The following UNC13C variants were observed in gnomAD, a reference collection of about 807,000 sequenced individuals.
UNC13C encodes the protein protein unc-13 homolog C.
A neutral mutation model predicts 245.4 loss-of-function variants in UNC13C; 174 were observed. That is an observed-to-expected ratio of 0.71 (90% CI 0.63 to 0.80). UNC13C has a LOEUF of 0.80. Ranked by LOEUF, UNC13C falls within the 30% of genes least tolerant of loss-of-function variation. The probability of loss-of-function intolerance (pLI) is 0.00; values close to 1 mark genes in which losing one functional copy is unlikely to be tolerated. For synonymous variants in UNC13C, 992 were observed against 895.1 expected (o/e 1.11, Z -1.93); for missense variants, 2,829 against 2,602.9 (o/e 1.09, Z -1.89).
chr15:54,597,783 T>C (rs1190292215), intron 30 of UNC13C, among the ~76,000 whole-genome samples: 2 of 152,172 alleles, frequency 1.3e-5, no homozygotes, highest in African/African-American at 4.8e-5. Context: ...AGCAATCACA[T>C]TATGTACAAT....
intron 2 of UNC13C, among the ~76,000 whole-genome samples, chr15:54,019,848 G>C (rs144973944): frequency 2.6e-5 from 4 of 152,086 alleles, no homozygotes; most frequent in African/African-American, 9.7e-5. Context: ...TGTAGTAGTT[G>C]TTCCTGGGAT....
chr15:54,297,732 T>G lies in UNC13C; in HGVS notation c.3989-79T>G, dbSNP rs543064122. 9.1e-5 allele frequency: 101 copies of G among 1,115,064 alleles called. 2 individuals are homozygous for G. In the South Asian group the frequency reaches 1.4e-3, roughly 15 times the overall value. 69.1% of individuals were successfully genotyped at this position (1,115,064 alleles called of 1,614,324 possible). On this transcript the variant is annotated intron_variant, in intron 11 of 32. Coordinates refer to ENST00000260323, the MANE Select transcript of UNC13C (RefSeq NM_001080534.3). ...CTTAAGCCGTTTTTTTGTTTTTTTG[T>G]TTTTTAGCTTTTGAGAGGTCGTATG...
At chr15:53,958,662 A>G in the UNC13C span, among the ~76,000 whole-genome samples, 1 of 152,140 alleles carries the variant, frequency 6.6e-6, no homozygotes, top group African/African-American at 2.4e-5. Context: ...TTGTTTTTTA[A>G]AAGTATTTTA....
intron 24 of UNC13C, among the ~76,000 whole-genome samples, chr15:54,516,105 G>A (rs1028234731): frequency 6.6e-6 from 1 of 152,164 alleles, no homozygotes; most frequent in Non-Finnish European, 1.5e-5. Context: ...GCCCAAAAGT[G>A]TGTGTATGTA....
intron 32 of UNC13C, among the ~76,000 whole-genome samples, chr15:54,626,034 C>T: frequency 6.6e-6 from 1 of 152,062 alleles, no homozygotes; most frequent in East Asian, 1.9e-4. Context: ...AAAAAAATCA[C>T]CTGTAAAAGG....
At chr15:53,923,021 GT>G in the UNC13C span, among the ~76,000 whole-genome samples, 1 of 152,142 alleles carries the variant, frequency 6.6e-6, no homozygotes, top group Non-Finnish European at 1.5e-5. Flanking sequence ...AAATATTTCA[GT>G]CTCAGGTTTG....
At chr15:53,991,480 A>C (rs2725596) in intron 1 of UNC13C, among the ~76,000 whole-genome samples, 67,083 of 151,856 alleles carry the variant, frequency 0.44, 17,826 homozygotes, top group Admixed American at 0.62. Context: ...CTGTTGTATC[A>C]GGTGCTCAAC....
chr15:53,985,835 A>C (rs1478934480), intron 1 of UNC13C, among the ~76,000 whole-genome samples: 1 of 152,012 alleles, frequency 6.6e-6, no homozygotes, highest in African/African-American at 2.4e-5. Flanking sequence ...TGTAGTAACA[A>C]TATTTTCCTC....
At chr15:54,419,491 C>T (rs560478149) in intron 19 of UNC13C, among the ~76,000 whole-genome samples, 3 of 152,134 alleles carry the variant, frequency 2.0e-5, no homozygotes, top group East Asian at 1.9e-4. Flanking sequence ...CAGAATCTCA[C>T]GTAAATGGAA....
At chr15:54,390,060 C>T (rs1259853032) in intron 17 of UNC13C, among the ~76,000 whole-genome samples, 1 of 152,124 alleles carries the variant, frequency 6.6e-6, no homozygotes, top group African/African-American at 2.4e-5. Context: ...GAGGTCTCCT[C>T]CCAACCCAAG....
At chr15:54,284,880 G>T (rs1412720448) in intron 10 of UNC13C, among the ~76,000 whole-genome samples, 1 of 152,118 alleles carries the variant, frequency 6.6e-6, no homozygotes, top group Admixed American at 6.5e-5. Context: ...CATCAAAACA[G>T]CTGTTAAAAC....
intron 14 of UNC13C, among the ~76,000 whole-genome samples, chr15:54,326,354 A>G (rs1206389089): frequency 1.3e-5 from 2 of 152,110 alleles, no homozygotes; most frequent in African/African-American, 4.8e-5. Flanking sequence ...AGAAATTCCT[A>G]GTAAACTGAA....
chr15:54,555,730 CCT>C (rs905700924), intron 29 of UNC13C, among the ~76,000 whole-genome samples: 76 of 152,094 alleles, frequency 5.0e-4, no homozygotes, highest in African/African-American at 1.6e-3. Flanking sequence ...CAGATTTACC[CCT>C]GTCTATCTCC....
At chr15:53,899,367 CTCAAATCGCTTCCT>C in the UNC13C span, among the ~76,000 whole-genome samples, 1 of 152,228 alleles carries the variant, frequency 6.6e-6, no homozygotes, top group Non-Finnish European at 1.5e-5. Flanking sequence ...TCCTCTTTGT[CTCAAATCGCTTCCT>C]TCAAACCACT....
chr15:54,141,867 G>A (rs959507204), intron 2 of UNC13C, among the ~76,000 whole-genome samples: 1 of 152,086 alleles, frequency 6.6e-6, no homozygotes, highest in African/African-American at 2.4e-5. Flanking sequence ...ACTTATGATA[G>A]TTAAGCAGCC....
the UNC13C span, among the ~76,000 whole-genome samples, chr15:53,962,019 C>A: frequency 1.3e-5 from 2 of 152,028 alleles, no homozygotes; most frequent in Non-Finnish European, 2.9e-5. Context: ...TGAGTTAATG[C>A]GTTATGTTTT....
chr15:53,923,626 G>A, the UNC13C span, among the ~76,000 whole-genome samples: 1 of 152,152 alleles, frequency 6.6e-6, no homozygotes, highest in Admixed American at 6.5e-5. Flanking sequence ...GTTTTCTGGT[G>A]GAAATCATTT....
At chr15:54,289,018 C>T (rs961677619) in intron 10 of UNC13C, among the ~76,000 whole-genome samples, 4 of 152,052 alleles carry the variant, frequency 2.6e-5, no homozygotes, top group Non-Finnish European at 5.9e-5. Context: ...TGGAAAAGCC[C>T]TAGGGCAACA....
At chr15:54,038,120 A>AAAAATTTTTTTTTTTTTT (rs1896656082) in intron 2 of UNC13C, among the ~76,000 whole-genome samples, 1 of 45,204 alleles carries the variant, frequency 2.2e-5, no homozygotes, top group Non-Finnish European at 3.6e-5. Context: ...ATATATATAT[A>AAAAATTTTTTTTTTTTTT]TATATTTTTT....
Sources: gnomAD v4.1 joint callset for allele counts (sites outside exome capture counted in the v4.1 genomes callset) on GRCh38, gnomAD v4.1.1 for gene constraint, MANE v1.5 for transcripts, NCBI Gene and HGNC (gene_info 2026-07-23, HGNC 2026-07-21) for gene names.